Variants in ANKRD30A observed in about 807,000 individuals in gnomAD.
The protein encoded by ANKRD30A is ankyrin repeat domain-containing protein 30A.
A neutral mutation model predicts 166.3 loss-of-function variants in ANKRD30A; 170 were observed. The observed-to-expected ratio is 1.02, with a 90% confidence interval of 0.90 to 1.16. The LOEUF (loss-of-function observed/expected upper bound fraction) is 1.16, where lower values mean the gene tolerates loss of function less well. Ranked by LOEUF, ANKRD30A falls within the 50% of genes most tolerant of loss-of-function variation. The probability of loss-of-function intolerance (pLI) is 0.00; values close to 1 mark genes in which losing one functional copy is unlikely to be tolerated. For missense variants in ANKRD30A, 1,630 were observed against 1,518.0 expected, an observed-to-expected ratio of 1.07 and a Z score of -1.23; for synonymous variants, 564 against 508.9, an observed-to-expected ratio of 1.11 and a Z score of -1.46.
chr10:37,263,789 G>A, the ANKRD30A span, among the ~76,000 whole-genome samples: 10 of 152,240 alleles, frequency 6.6e-5, no homozygotes, highest in South Asian at 2.1e-4. Flanking sequence ...GGCCTGTGTC[G>A]TGGGTTGGGG....
chr10:37,248,042 T>A, the ANKRD30A span: 1 of 344,418 alleles, frequency 2.9e-6, no homozygotes, highest in Non-Finnish European at 5.7e-6. Context: ...AAAAAAAAAA[T>A]CATGTGGTAG....
At chr10:37,203,944 C>A (rs1841819953) in intron 31 of ANKRD30A, among the ~76,000 whole-genome samples, 2 of 152,060 alleles carry the variant, frequency 1.3e-5, no homozygotes, top group Admixed American at 1.3e-4. Flanking sequence ...ATGTGAAGGA[C>A]CTCTTCAAGG....
intron 32 of ANKRD30A, among the ~76,000 whole-genome samples, chr10:37,216,855 C>T (rs1842630976): frequency 6.6e-6 from 1 of 150,938 alleles, no homozygotes; most frequent in Admixed American, 6.6e-5. Flanking sequence ...ATATTCATTA[C>T]AGTTCAACAA....
chr10:37,221,342 T>C (rs1315283984), intron 34 of ANKRD30A, among the ~76,000 whole-genome samples: 1 of 151,186 alleles, frequency 6.6e-6, no homozygotes, highest in African/African-American at 2.4e-5. Context: ...TGAGACAACT[T>C]CAAAAAAACT....
intron 34 of ANKRD30A, among the ~76,000 whole-genome samples, chr10:37,226,515 T>C (rs1007529375): frequency 1.2e-4 from 18 of 151,780 alleles, no homozygotes; most frequent in Non-Finnish European, 7.4e-5. Flanking sequence ...TTGCAGCAAG[T>C]ATCAGCACTT....
intron 32 of ANKRD30A, 60 bp from the exon 33 acceptor site, chr10:37,217,635 C>A: frequency 7.4e-7 from 1 of 1,343,742 alleles, no homozygotes; most frequent in East Asian, 2.6e-5. Context: ...AGAAATAGAT[C>A]TCAAAATGAA....
chr10:37,241,048 T>C, the ANKRD30A span: 1 of 152,046 alleles, frequency 6.6e-6, no homozygotes. Context: ...TTTTGTATCA[T>C]AGTTATATAT....
chr10:37,165,195 AT>A, intron 18 of ANKRD30A, 40 bp downstream of exon 18: 1 of 1,532,082 alleles, frequency 6.5e-7, no homozygotes, highest in Non-Finnish European at 9.0e-7. Flanking sequence ...TTAGTATTGC[AT>A]GATATGAAAA....
intron 8 of ANKRD30A, 55 bp from the exon 9 acceptor site, chr10:37,147,315 T>C: frequency 7.4e-7 from 1 of 1,348,532 alleles, no homozygotes. Flanking sequence ...TAATTAGGAA[T>C]TTTCATGCTT....
At chr10:37,257,347 C>A in the ANKRD30A span, among the ~76,000 whole-genome samples, 1 of 146,254 alleles carries the variant, frequency 6.8e-6, no homozygotes, top group Admixed American at 6.9e-5. Flanking sequence ...AAAAAAAAAA[C>A]AGCTCCTGGA....
At chr10:37,191,277 C>A (rs1840555638) in intron 25 of ANKRD30A, among the ~76,000 whole-genome samples, 2 of 151,618 alleles carry the variant, frequency 1.3e-5, no homozygotes, top group Admixed American at 6.6e-5. Flanking sequence ...GTATGAAAAT[C>A]AAGGAATATT....
chr10:37,196,203 G>C (rs1361739208), intron 27 of ANKRD30A, among the ~76,000 whole-genome samples: 1 of 150,682 alleles, frequency 6.6e-6, no homozygotes, highest in Non-Finnish European at 1.5e-5. Context: ...ACAGTTGAGT[G>C]AACTCACTTC....
intron 25 of ANKRD30A, among the ~76,000 whole-genome samples, chr10:37,191,235 C>G (rs1016985533): frequency 6.6e-6 from 1 of 151,736 alleles, no homozygotes; most frequent in African/African-American, 2.4e-5. Flanking sequence ...CTAGAAATTA[C>G]AAAAATGTTG....
chr10:37,202,905 C>A (rs1841738275), intron 31 of ANKRD30A, among the ~76,000 whole-genome samples: 1 of 152,074 alleles, frequency 6.6e-6, no homozygotes. Flanking sequence ...GGATAAATTC[C>A]TGGACAGCTA....
At chr10:37,220,675 T>C (rs1842859683) in intron 34 of ANKRD30A, among the ~76,000 whole-genome samples, 1 of 151,228 alleles carries the variant, frequency 6.6e-6, no homozygotes, top group African/African-American at 2.4e-5. Context: ...TCATAATTTC[T>C]ATTTGAAGGC....
intron 31 of ANKRD30A, among the ~76,000 whole-genome samples, chr10:37,202,903 TC>T (rs1275067630): frequency 6.6e-6 from 1 of 152,052 alleles, no homozygotes; most frequent in African/African-American, 2.4e-5. Context: ...ATGGATAAAT[TC>T]CTGGACAGCT....
At chr10:37,257,803 A>G in the ANKRD30A span, among the ~76,000 whole-genome samples, 1 of 152,218 alleles carries the variant, frequency 6.6e-6, no homozygotes, top group African/African-American at 2.4e-5. Flanking sequence ...GAATGAGTTC[A>G]TGTCCTTTGC....
At chr10:37,197,513 A>T in intron 29 of ANKRD30A, 33 bp downstream of exon 29, 1 of 1,611,114 alleles carries the variant, frequency 6.2e-7, no homozygotes, top group South Asian at 1.1e-5. Context: ...GCGAAGACCA[A>T]TATTTCAATA....
chr10:37,207,379 T>C (rs1237509140), intron 31 of ANKRD30A, among the ~76,000 whole-genome samples: 2 of 152,178 alleles, frequency 1.3e-5, no homozygotes, highest in East Asian at 3.8e-4. Flanking sequence ...ATGTTAGCCA[T>C]GTGTGAGATT....
Sources: allele counts gnomAD v4.1 joint callset (sites outside exome capture counted in the v4.1 genomes callset), GRCh38; gene constraint gnomAD v4.1.1; transcripts MANE v1.5; gene names NCBI Gene and HGNC (gene_info 2026-07-23, HGNC 2026-07-21).